The following TAFA2 variants were observed in gnomAD, a reference collection of about 807,000 sequenced individuals.
The protein encoded by TAFA2 is TAFA chemokine like family member 2, also known as chemokine-like protein TAFA-2.
In TAFA2, 7 loss-of-function variants were observed where a neutral mutation model predicts 18.8. The observed-to-expected ratio is 0.37, with a 90% confidence interval of 0.21 to 0.70. The LOEUF is 0.70. Among genes scored for constraint, TAFA2 ranks in the 30% least tolerant of loss-of-function variants. The pLI is 0.53. For synonymous variants in TAFA2, 60 were observed against 54.2 expected, an observed-to-expected ratio of 1.11 and a Z score of -0.47; for missense variants, 122 against 158.1, an observed-to-expected ratio of 0.77 and a Z score of 1.23.
At chr12:62,114,784 A>G (rs1448937484) in intron 1 of TAFA2, among the ~76,000 whole-genome samples, 1 of 152,192 alleles carries the variant, frequency 6.6e-6, no homozygotes, top group African/African-American at 2.4e-5. Flanking sequence ...CATACTTTTA[A>G]CCATTCCTTA....
At chr12:62,027,463 C>T (rs751432792) in intron 1 of TAFA2, among the ~76,000 whole-genome samples, 1 of 152,050 alleles carries the variant, frequency 6.6e-6, no homozygotes, top group Non-Finnish European at 1.5e-5. Context: ...TTTGTTGCAA[C>T]AAACAAAGCA....
intron 1 of TAFA2, among the ~76,000 whole-genome samples, chr12:62,181,197 T>A (rs1370972899): frequency 6.6e-6 from 1 of 150,896 alleles, no homozygotes; most frequent in Non-Finnish European, 1.5e-5. Context: ...CACACACACA[T>A]AATTAGAAAT....
intron 4 of TAFA2, among the ~76,000 whole-genome samples, chr12:61,749,298 A>G (rs936418562): frequency 1.3e-5 from 2 of 151,948 alleles, no homozygotes; most frequent in African/African-American, 4.8e-5. Context: ...AAAGAAAAGA[A>G]TAACATAACT....
chr12:61,867,242 T>A (rs771756944), intron 2 of TAFA2, 78 bp downstream of exon 2: 2 of 922,544 alleles, frequency 2.2e-6, no homozygotes, highest in Non-Finnish European at 1.7e-6. Flanking sequence ...AACAGACCAG[T>A]GGAGGCAAAA....
intron 1 of TAFA2, among the ~76,000 whole-genome samples, chr12:62,188,470 G>C (rs565871303): frequency 5.1e-4 from 78 of 152,140 alleles, no homozygotes; most frequent in Non-Finnish European, 1.0e-3. Flanking sequence ...ATGCATTAGA[G>C]AGTTCGTCAG....
chr12:62,215,806 C>G (rs1174567483), intron 1 of TAFA2, among the ~76,000 whole-genome samples: 1 of 150,024 alleles, frequency 6.7e-6, no homozygotes, highest in African/African-American at 2.5e-5. Flanking sequence ...GACCTAAACT[C>G]CCTGAATCTT....
chr12:62,123,616 C>T (rs1870310549), intron 1 of TAFA2, among the ~76,000 whole-genome samples: 1 of 152,010 alleles, frequency 6.6e-6, no homozygotes, highest in Non-Finnish European at 1.5e-5. Context: ...ATATCCCCCA[C>T]ATTTGAAGTA....
chr12:62,224,082 TACACACACAC>T (rs144010764), intron 1 of TAFA2, among the ~76,000 whole-genome samples: 1,463 of 142,562 alleles, frequency 0.01, 9 homozygotes, highest in African/African-American at 0.02. Flanking sequence ...TATATGTGCA[TACACACACAC>T]ACACACACAC....
At chr12:61,831,321 A>G (rs1872713604) in intron 2 of TAFA2, among the ~76,000 whole-genome samples, 2 of 152,094 alleles carry the variant, frequency 1.3e-5, no homozygotes. Flanking sequence ...TAATAGAAAC[A>G]CGGAAAGTTG....
At chr12:62,018,236 T>C (rs1398375965) in intron 1 of TAFA2, among the ~76,000 whole-genome samples, 1 of 152,124 alleles carries the variant, frequency 6.6e-6, no homozygotes, top group Non-Finnish European at 1.5e-5. Context: ...CAAACTATAG[T>C]TTTAAAAGCA....
chr12:62,139,488 C>G (rs1463544798), intron 1 of TAFA2, among the ~76,000 whole-genome samples: 1 of 152,098 alleles, frequency 6.6e-6, no homozygotes, highest in Non-Finnish European at 1.5e-5. Context: ...TTATGCCTAC[C>G]ATGTTATAGT....
chr12:61,948,201 A>G (rs1304693611), intron 1 of TAFA2, among the ~76,000 whole-genome samples: 3 of 152,192 alleles, frequency 2.0e-5, no homozygotes, highest in Non-Finnish European at 2.9e-5. Context: ...AATTTCTTTC[A>G]TCATCACAAA....
chr12:61,842,736 G>C (rs985209889), intron 2 of TAFA2, among the ~76,000 whole-genome samples: 1 of 152,008 alleles, frequency 6.6e-6, no homozygotes, highest in Non-Finnish European at 1.5e-5. Flanking sequence ...ATACAAAAGA[G>C]TAACCACAGA....
intron 1 of TAFA2, among the ~76,000 whole-genome samples, chr12:61,956,501 T>A (rs1272184490): frequency 6.6e-6 from 1 of 152,050 alleles, no homozygotes; most frequent in Non-Finnish European, 1.5e-5. Context: ...TCAGTACACA[T>A]AATAATATCT....
chr12:61,972,457 A>G (rs1392815492), intron 1 of TAFA2, among the ~76,000 whole-genome samples: 1 of 151,624 alleles, frequency 6.6e-6, no homozygotes, highest in Non-Finnish European at 1.5e-5. Context: ...CCAAAGTTTT[A>G]TGAGCCCTAA....
At chr12:62,114,620 G>A (rs938292091) in intron 1 of TAFA2, among the ~76,000 whole-genome samples, 1 of 152,102 alleles carries the variant, frequency 6.6e-6, no homozygotes, top group East Asian at 1.9e-4. Context: ...CCATTGCCAG[G>A]CATATTAATT....
chr12:62,214,316 G>A (rs944443415), intron 1 of TAFA2, among the ~76,000 whole-genome samples: 4 of 152,112 alleles, frequency 2.6e-5, no homozygotes, highest in Admixed American at 6.6e-5. Context: ...TAAGTCTCAC[G>A]AGATCTGATG....
intron 1 of TAFA2, among the ~76,000 whole-genome samples, chr12:62,238,634 C>T (rs758561484): frequency 2.0e-5 from 3 of 152,154 alleles, no homozygotes; most frequent in Non-Finnish European, 2.9e-5. Flanking sequence ...TTAATTGAAA[C>T]CTTCAATTTA....
At chr12:61,888,096 A>T (rs1044873345) in intron 1 of TAFA2, among the ~76,000 whole-genome samples, 5 of 151,976 alleles carry the variant, frequency 3.3e-5, no homozygotes, top group Admixed American at 2.6e-4. Flanking sequence ...GCTGGAGAGG[A>T]TGTGGAGAAA....
Sources: allele counts gnomAD v4.1 joint callset (sites outside exome capture counted in the v4.1 genomes callset), GRCh38; gene constraint gnomAD v4.1.1; transcripts MANE v1.5; gene names NCBI Gene and HGNC (gene_info 2026-07-23, HGNC 2026-07-21).